ANTXR1: variants seen among roughly 807,000 people sequenced by gnomAD.
ANTXR1 encodes ANTXR cell adhesion molecule 1.
ANTXR1 carries 19 observed loss-of-function variants against 78.1 expected under a neutral mutation model. The observed-to-expected ratio is 0.24, with a 90% CI of 0.17 to 0.36. The LOEUF is 0.36. Among genes scored for constraint, ANTXR1 ranks in the 10% least tolerant of loss-of-function variants. The pLI, the probability that ANTXR1 is intolerant of heterozygous loss-of-function variation, is 1.00. For synonymous variants in ANTXR1, 273 were observed against 260.5 expected (o/e 1.05, Z -0.46); for missense variants, 518 against 718.6 (o/e 0.72, Z 3.19).
intron 14 of ANTXR1, among the ~76,000 whole-genome samples, chr2:69,171,431 G>A (rs532013162): frequency 6.6e-6 from 1 of 152,224 alleles, no homozygotes; most frequent in African/African-American, 2.4e-5. Context: ...ACCGTGGCTA[G>A]TTCCACGACT....
At chr2:69,180,034 C>T (rs905199635) in intron 14 of ANTXR1, among the ~76,000 whole-genome samples, 4 of 152,036 alleles carry the variant, frequency 2.6e-5, no homozygotes, top group Admixed American at 1.3e-4. Flanking sequence ...TCTGCTGTGA[C>T]CTCTCTGTCC....
At chr2:69,237,097 A>T (rs536810170) in intron 17 of ANTXR1, among the ~76,000 whole-genome samples, 1 of 152,308 alleles carries the variant, frequency 6.6e-6, no homozygotes, top group South Asian at 2.1e-4. Context: ...GTATTTACAC[A>T]TGTCCCACTA....
chr2:69,134,252 T>C (rs534546879), intron 12 of ANTXR1, among the ~76,000 whole-genome samples: 10 of 152,320 alleles, frequency 6.6e-5, no homozygotes, highest in Admixed American at 2.6e-4. Flanking sequence ...ATGTAGAATA[T>C]AGAATTGGGG....
At chr2:69,071,707 G>A (rs200003630) in intron 4 of ANTXR1, 47 bp from the exon 5 acceptor site, 9 of 1,604,284 alleles carry the variant, frequency 5.6e-6, no homozygotes, top group African/African-American at 1.3e-5. Context: ...TTTTTGGAGT[G>A]ACAAACAGTG....
chr2:69,014,013 T>A (rs1278316501), intron 1 of ANTXR1, among the ~76,000 whole-genome samples: 1 of 152,238 alleles, frequency 6.6e-6, no homozygotes, highest in Non-Finnish European at 1.5e-5. Flanking sequence ...AGGCAGAACT[T>A]GCAGGCACAG....
At chr2:69,061,416 T>C (rs1320042592) in intron 3 of ANTXR1, among the ~76,000 whole-genome samples, 2 of 152,078 alleles carry the variant, frequency 1.3e-5, no homozygotes, top group Admixed American at 1.3e-4. Context: ...TGAAAACTAC[T>C]TCTCTGTAGA....
intron 10 of ANTXR1, among the ~76,000 whole-genome samples, chr2:69,105,306 G>C (rs1335044930): frequency 6.6e-6 from 1 of 152,172 alleles, no homozygotes; most frequent in Non-Finnish European, 1.5e-5. Context: ...TGTTGGGGTA[G>C]GGATTTGGCT....
At position 69,020,388 on chromosome 2, in the gene ANTXR1, G is replaced by A. The variant is rs538131162; in HGVS notation, c.152+6737G>A. Among the ~76,000 whole-genome samples, 17 of 137,308 alleles carry A rather than the reference G, an allele frequency of 1.2e-4. No homozygotes were observed. In the South Asian group the frequency reaches 3.6e-3, roughly 29 times the overall value. The allele number at this position is 137,308 out of a possible 152,430, so 90.1% of individuals were successfully genotyped here. A position where few individuals can be genotyped will look rare whatever the true frequency, so the allele number is the denominator to read the frequency against. On this transcript the variant is annotated intron_variant, in intron 1 of 17. Transcript: ENST00000303714. ...TGGGTCAAAAATAAAAATAAATAAG[G>A]CAAAACTGTTTTGTTTTGTTTTGTT...
rs552567407 is a variant in ANTXR1 at position 69,083,107 on chromosome 2, T to C, written c.642+5619T>C. ...CTTCCACTCATGGGAAGCAATGTAATCCCCTAATCTGGCCCAGGCCCTAAC... is the reference window on the plus strand; with the variant it reads ...CTTCCACTCATGGGAAGCAATGTAACCCCCTAATCTGGCCCAGGCCCTAAC... On this transcript the variant is annotated intron_variant, in intron 8 of 17. Transcript: ENST00000303714. 4.1e-4 allele frequency among the ~76,000 whole-genome samples: 62 copies of C among 152,254 alleles called. 1 individual carries two copies. The highest frequency in any genetic ancestry group is 1.5e-3 in the African/African-American group (61 of 41,568).
At chr2:69,192,049 C>G (rs1023149202) in intron 16 of ANTXR1, among the ~76,000 whole-genome samples, 12 of 152,190 alleles carry the variant, frequency 7.9e-5, no homozygotes, top group African/African-American at 2.7e-4. Context: ...GATAGGCAGA[C>G]AGAAGTGAAC....
At chr2:69,183,531 A>AGCT (rs1394898802) in intron 16 of ANTXR1, among the ~76,000 whole-genome samples, 1 of 148,734 alleles carries the variant, frequency 6.7e-6, no homozygotes, top group Non-Finnish European at 1.5e-5. Flanking sequence ...ACCCCCAAGT[A>AGCT]GCTGGGACTA....
chr2:69,200,048 A>G (rs1674737903), intron 17 of ANTXR1, among the ~76,000 whole-genome samples: 1 of 152,200 alleles, frequency 6.6e-6, no homozygotes, highest in Admixed American at 6.5e-5. Flanking sequence ...GAATTCAATC[A>G]TCTACCAACC....
chr2:69,083,136 G>C (rs1375422332), intron 8 of ANTXR1, among the ~76,000 whole-genome samples: 2 of 152,176 alleles, frequency 1.3e-5, no homozygotes, highest in East Asian at 3.8e-4. Flanking sequence ...CCCTAACAAA[G>C]CTGTGATAAA....
At chr2:69,232,359 A>G (rs1364724460) in intron 17 of ANTXR1, among the ~76,000 whole-genome samples, 1 of 152,112 alleles carries the variant, frequency 6.6e-6, no homozygotes, top group African/African-American at 2.4e-5. Flanking sequence ...GAGAACATAT[A>G]ATTTTTAGAG....
intron 1 of ANTXR1, among the ~76,000 whole-genome samples, chr2:69,021,680 A>T (rs1671195497): frequency 6.6e-6 from 1 of 152,244 alleles, no homozygotes; most frequent in Non-Finnish European, 1.5e-5. Flanking sequence ...CTTGAAGAAT[A>T]ATCCTCCATG....
At chr2:69,036,782 C>T (rs1334300598) in intron 1 of ANTXR1, among the ~76,000 whole-genome samples, 1 of 152,168 alleles carries the variant, frequency 6.6e-6, no homozygotes, top group Non-Finnish European at 1.5e-5. Context: ...TATAGGCAGT[C>T]ATGTGGCATA....
At position 69,057,989 on chromosome 2, in the gene ANTXR1, C is replaced by T. The variant is rs1306741556; in HGVS notation, c.297-12658C>T. Among the ~76,000 whole-genome samples the T allele has an allele frequency of 2.6e-5, 4 of 152,146 alleles. No individual in the cohort carries two copies. The East Asian group carries it at 7.7e-4, about 29-fold the overall frequency. Reference sequence around the variant, plus strand: ...AGCCACAACATTCCCTAAGCCAAAGCCTAATGCAAAGTAAAGCTCTAACTC... The same window carrying T: ...AGCCACAACATTCCCTAAGCCAAAGTCTAATGCAAAGTAAAGCTCTAACTC... On this transcript the variant is annotated intron_variant, in intron 3 of 17. Transcript: ENST00000303714.
chr2:69,020,658 G>A (rs1314717777), intron 1 of ANTXR1, among the ~76,000 whole-genome samples: 1 of 152,176 alleles, frequency 6.6e-6, no homozygotes, highest in Admixed American at 6.5e-5. Context: ...AATTTAGAAT[G>A]TGTGTCTATG....
intron 17 of ANTXR1, among the ~76,000 whole-genome samples, chr2:69,215,292 AATCCCTTCATAC>A (rs1192346887): frequency 6.6e-6 from 1 of 152,208 alleles, no homozygotes; most frequent in Non-Finnish European, 1.5e-5. Context: ...CTCTCCAAGA[AATCCCTTCATAC>A]ATCCTTCGCC....
Sources: allele counts gnomAD v4.1 joint callset (sites outside exome capture counted in the v4.1 genomes callset), GRCh38; gene constraint gnomAD v4.1.1; transcripts MANE v1.5; gene names NCBI Gene and HGNC (gene_info 2026-07-23, HGNC 2026-07-21).